PLCE1: variants seen among roughly 807,000 people sequenced by gnomAD.
PLCE1 encodes the protein phospholipase C epsilon 1.
Under a neutral mutation model 242.8 loss-of-function variants are expected in PLCE1, and 119 were observed. That is an observed-to-expected ratio of 0.49 (90% CI 0.42 to 0.57). PLCE1 has a LOEUF of 0.57. PLCE1 is among the 20% of genes least tolerant of loss of function. The pLI is 0.00. For synonymous variants in PLCE1, 945 were observed against 1,017.4 expected, an observed-to-expected ratio of 0.93 and a Z score of 1.35; for missense variants, 2,441 against 2,788.8, an observed-to-expected ratio of 0.88 and a Z score of 2.81.
chr10:94,080,124 G>A (rs2044614787), intron 2 of PLCE1, among the ~76,000 whole-genome samples: 1 of 151,944 alleles, frequency 6.6e-6, no homozygotes, highest in South Asian at 2.1e-4. Flanking sequence ...AGTTCTCTCT[G>A]GTACTTTGGT....
Position 94,142,413 on chromosome 10 carries a change from G to A in PLCE1, c.1492+9954G>A, listed in dbSNP as rs199668705. Among the ~76,000 whole-genome samples, 3 of 150,322 alleles carry A rather than the reference G, an allele frequency of 2.0e-5. No individual in the cohort carries two copies. The East Asian group carries it at 5.9e-4, about 30-fold the overall frequency. On this transcript the variant is annotated intron_variant, in intron 3 of 32. Coordinates refer to ENST00000371380, the MANE Select transcript of PLCE1 (RefSeq NM_016341.4). Reference sequence around the variant, plus strand: ...GTGTGCCTGTGGTCCCACCTATTCAGAAGGCTGAGGCTGTAGAATCACTGT... The same window carrying A: ...GTGTGCCTGTGGTCCCACCTATTCAAAAGGCTGAGGCTGTAGAATCACTGT...
rs556956103 is a variant in PLCE1 at position 94,098,757 on chromosome 10, A to G, written c.1207-33417A>G. Among the ~76,000 whole-genome samples, 18 of 152,330 alleles carry G rather than the reference A, an allele frequency of 1.2e-4. No individual in the cohort carries two copies. The East Asian group carries it at 3.5e-3, about 29-fold the overall frequency. On this transcript the variant is annotated intron_variant, in intron 2 of 32. Coordinates refer to ENST00000371380, the MANE Select transcript of PLCE1 (RefSeq NM_016341.4). ...AGCTTTCTTTGGAACACCTTGAGTTACTGTTTGAGGCTTACTTCTTACGAA... is the reference window on the plus strand; with the variant it reads ...AGCTTTCTTTGGAACACCTTGAGTTGCTGTTTGAGGCTTACTTCTTACGAA...
rs543456496 is a variant in PLCE1, at chr10:94,281,867, T to C, written c.4796-1923T>C. The stretch of plus-strand genomic sequence containing the variant: ...AAGGCTTCCGTATGTGACTATTAGA[T>C]GCCTTACTAACCACATGCCTTTGAT... On this transcript the variant is annotated intron_variant, in intron 20 of 32. Transcript: ENST00000371380. Among the ~76,000 whole-genome samples the C allele has an allele frequency of 1.4e-4, 22 of 152,058 alleles. No homozygotes were observed. The South Asian group carries it at 4.4e-3, about 30-fold the overall frequency.
At chr10:94,186,727 C>G (rs1049550636) in intron 4 of PLCE1, among the ~76,000 whole-genome samples, 2 of 152,210 alleles carry the variant, frequency 1.3e-5, no homozygotes, top group African/African-American at 4.8e-5. Context: ...TTTTGTGTCT[C>G]CTCTGTGAAA....
chr10:94,319,859 G>GTCAAAGT (rs1321112418), intron 29 of PLCE1, among the ~76,000 whole-genome samples: 1 of 129,792 alleles, frequency 7.7e-6, no homozygotes, highest in African/African-American at 2.9e-5. Flanking sequence ...AGGCTCAAAG[G>GTCAAAGT]TGCTCTTTTT....
At position 94,258,886 on chromosome 10, in the gene PLCE1, GT is replaced by G; in HGVS notation, c.3645del (p.Phe1215LeufsTer19). 2 of 1,614,120 alleles carry G rather than the reference GT, an allele frequency of 1.2e-6. No individual in the cohort carries two copies. The highest frequency in any genetic ancestry group is 2.2e-5 in the South Asian group (2 of 91,080). On this transcript the variant is annotated frameshift_variant, in exon 12 of 33. Transcript: ENST00000371380. LOFTEE classifies it high-confidence loss of function. ...QSFMVSDSNM[S>X]FVEFVELFKS... ...TTCATGGTTTCAGATAGCAACATGA[GT>G]TTTGTTGAATTTGTTGAGCTGTTCA...
intron 14 of PLCE1, 143 bp downstream of exon 14, chr10:94,262,875 T>G: frequency 1.3e-6 from 1 of 743,680 alleles, no homozygotes. Flanking sequence ...TTTTTTTTGT[T>G]TTTTTGGGTG....
At chr10:94,132,609 G>T (rs184699681) in intron 3 of PLCE1, 150 bp downstream of exon 3, 3 of 770,020 alleles carry the variant, frequency 3.9e-6, no homozygotes, top group Non-Finnish European at 4.4e-6. Flanking sequence ...TAAAAAGGTG[G>T]TCCCTTATTA....
intron 1 of PLCE1, among the ~76,000 whole-genome samples, 143 bp from the exon 2 acceptor site, chr10:94,030,540 A>G (rs1021613507): frequency 6.6e-6 from 1 of 152,108 alleles, no homozygotes; most frequent in Admixed American, 6.6e-5. Flanking sequence ...AATAAAAAAA[A>G]AATACTAAAA....
At chr10:94,096,151 G>C (rs1301384636) in intron 2 of PLCE1, among the ~76,000 whole-genome samples, 1 of 152,126 alleles carries the variant, frequency 6.6e-6, no homozygotes, top group Non-Finnish European at 1.5e-5. Flanking sequence ...GGGCAGTATG[G>C]AATGATGTTA....
intron 2 of PLCE1, among the ~76,000 whole-genome samples, chr10:94,111,346 G>T (rs901161084): frequency 3.3e-5 from 5 of 152,202 alleles, no homozygotes; most frequent in African/African-American, 9.6e-5. Context: ...CTAGGACTGA[G>T]ACACCAGCAG....
At chr10:94,062,143 G>A (rs186705645) in intron 2 of PLCE1, among the ~76,000 whole-genome samples, 1 of 152,344 alleles carries the variant, frequency 6.6e-6, no homozygotes, top group African/African-American at 2.4e-5. Context: ...ATTTTGATAG[G>A]TTGGTGGTTA....
At chr10:94,159,161 T>C (rs1183936812) in intron 3 of PLCE1, among the ~76,000 whole-genome samples, 1 of 152,196 alleles carries the variant, frequency 6.6e-6, no homozygotes, top group East Asian at 1.9e-4. Flanking sequence ...TAACACTCAG[T>C]CTGAATATAT....
chr10:94,127,419 C>G (rs959402663), intron 2 of PLCE1, among the ~76,000 whole-genome samples: 1 of 152,130 alleles, frequency 6.6e-6, no homozygotes, highest in Non-Finnish European at 1.5e-5. Context: ...GGGCCATGGT[C>G]TTTCATCCTC....
Position 94,283,848 on chromosome 10 carries a change from A to T in PLCE1, c.4854A>T (p.Glu1618Asp), listed in dbSNP as rs1188868783. Residue 1618 changes from glutamate (E) to aspartate (D), a missense_variant, in exon 21 of 33, where the codon GAA becomes GAT. Transcript: ENST00000371380. ...CATGTAATGACAAGCTTCAGTTTGAATATAATGAAGAAATCCCAAAGAGGA... is the reference window on the plus strand; with the variant it reads ...CATGTAATGACAAGCTTCAGTTTGATTATAATGAAGAAATCCCAAAGAGGA... The part of the protein sequence containing the change: ...NKSCNDKLQF[E>D]YNEEIPKRIK... 1 of 1,612,248 alleles carries T rather than the reference A, an allele frequency of 6.2e-7. No individual in the cohort carries two copies. The highest frequency in any genetic ancestry group is 1.3e-5 in the African/African-American group (1 of 74,992).
chr10:94,266,934 A>G (rs1328827666), intron 16 of PLCE1, among the ~76,000 whole-genome samples: 1 of 152,202 alleles, frequency 6.6e-6, no homozygotes, highest in African/African-American at 2.4e-5. Context: ...AAGTTCTGTC[A>G]TGGGGCCTCA....
intron 4 of PLCE1, among the ~76,000 whole-genome samples, chr10:94,211,174 C>G (rs2049319900): frequency 6.6e-6 from 1 of 152,202 alleles, no homozygotes; most frequent in African/African-American, 2.4e-5. Context: ...CCCACTGCCC[C>G]CATCTTTTAG....
chr10:94,123,690 A>G (rs1294731841), intron 2 of PLCE1, among the ~76,000 whole-genome samples: 1 of 152,214 alleles, frequency 6.6e-6, no homozygotes, highest in Admixed American at 6.5e-5. Context: ...CCCATCAGAC[A>G]TGAAACTTCT....
rs2061471346 is a variant in PLCE1, at chr10:94,027,516, A to C, written c.-364-3167A>C. 1.3e-5 allele frequency among the ~76,000 whole-genome samples: 2 copies of C among 152,176 alleles called. 1 individual carries two copies. The highest frequency in any genetic ancestry group is 4.1e-4 in the South Asian group (2 of 4,828). On this transcript the variant is annotated intron_variant, in intron 1 of 32. Coordinates refer to ENST00000371380, the MANE Select transcript of PLCE1 (RefSeq NM_016341.4). ...TATATCCTCAGCCTTCCAGAGACAA[A>C]GCCACATATAAGATAAGCTTCTTGG...
Sources: gnomAD v4.1 joint callset for allele counts (sites outside exome capture counted in the v4.1 genomes callset) on GRCh38, gnomAD v4.1.1 for gene constraint, MANE v1.5 for transcripts, NCBI Gene and HGNC (gene_info 2026-07-23, HGNC 2026-07-21) for gene names.